Variants in ST3GAL3 observed in about 807,000 individuals in gnomAD.
ST3GAL3 encodes CMP-N-acetylneuraminate-beta-1,4-galactoside alpha-2,3-sialyltransferase.
ST3GAL3 carries 21 observed loss-of-function variants against 50.1 expected under a neutral mutation model. That is an observed-to-expected ratio of 0.42 (90% confidence interval 0.30 to 0.60). The LOEUF is 0.60. ST3GAL3 is among the 20% of genes least tolerant of loss of function. The pLI, the probability that ST3GAL3 is intolerant of heterozygous loss-of-function variation, is 0.19. For synonymous variants in ST3GAL3, 183 were observed against 190.0 expected, an observed-to-expected ratio of 0.96 and a Z score of 0.30; for missense variants, 353 against 489.4, an observed-to-expected ratio of 0.72 and a Z score of 2.63.
intron 1 of ST3GAL3, among the ~76,000 whole-genome samples, chr1:43,719,740 C>G (rs1323217259): frequency 2.0e-5 from 3 of 151,078 alleles, no homozygotes; most frequent in Non-Finnish European, 4.4e-5. Flanking sequence ...GGAGACCAGC[C>G]TGGCCAACAT....
chr1:43,841,750 T>G (rs1217736613), intron 5 of ST3GAL3: 1 of 152,252 alleles, frequency 6.6e-6, no homozygotes, highest in Non-Finnish European at 1.5e-5. Flanking sequence ...TGCAAATGTC[T>G]CTAGCAAGTG....
In ST3GAL3 at chr1:43,814,950, G is replaced by A. The variant is rs553659855; in HGVS notation, c.209+17G>A. ...CTCTAAACTGTGAGTAGAATGAGAA[G>A]ATACCTTGGCTCTGTGGCAGAGAGG... On this transcript the variant is annotated intron_variant, in intron 4 of 11. Transcript: ENST00000347631. The A allele has an allele frequency of 3.1e-6, 5 of 1,613,688 alleles. No homozygotes were observed. The highest frequency in any genetic ancestry group is 2.2e-5 in the East Asian group (1 of 44,868).
intron 5 of ST3GAL3, chr1:43,851,290 G>A: frequency 6.4e-7 from 1 of 1,571,432 alleles, no homozygotes; most frequent in Non-Finnish European, 8.8e-7. Context: ...TGAACCCGTG[G>A]GTCAGGTGAC....
Position 43,899,047 on chromosome 1 carries a change from G to C in ST3GAL3, c.462-121G>C. Reference sequence around the variant, plus strand: ...CAGAAATGCTGCCAGAAGCCCATTGGTCTTCTTCCTCTATCCCAGCCTGGT... The same window carrying C: ...CAGAAATGCTGCCAGAAGCCCATTGCTCTTCTTCCTCTATCCCAGCCTGGT... On this transcript the variant is annotated intron_variant, in intron 7 of 11. Coordinates refer to ENST00000347631, the MANE Select transcript of ST3GAL3 (RefSeq NM_006279.5). This position sits in a 1 kb window ranked among gnomAD's most constrained non-coding sequence, Gnocchi z 5.4. 1 of 1,409,046 alleles carries C rather than the reference G, an allele frequency of 7.1e-7. No homozygotes were observed. The highest frequency in any genetic ancestry group is 1.4e-5 in the African/African-American group (1 of 70,638). 87.3% of individuals were successfully genotyped at this position (1,409,046 alleles called of 1,614,324 possible).
intron 9 of ST3GAL3, among the ~76,000 whole-genome samples, chr1:43,900,492 A>G (rs531015736): frequency 2.0e-4 from 30 of 151,916 alleles, no homozygotes; most frequent in African/African-American, 7.2e-4. Context: ...CTGGGCCTAC[A>G]GGGACATCCG....
At chr1:43,847,795 A>C (rs2066499809) in intron 5 of ST3GAL3, among the ~76,000 whole-genome samples, 1 of 152,264 alleles carries the variant, frequency 6.6e-6, no homozygotes, top group Non-Finnish European at 1.5e-5. Context: ...AGTGTATTTT[A>C]CTACAATTCA....
chr1:43,831,209 G>T (rs72886892), intron 4 of ST3GAL3, among the ~76,000 whole-genome samples: 10,136 of 152,240 alleles, frequency 0.067, 364 homozygotes, highest in East Asian at 0.14. Flanking sequence ...GGGGCTTTGG[G>T]AAGAACAGGA....
chr1:43,731,127 G>A (rs1035189303), intron 1 of ST3GAL3, among the ~76,000 whole-genome samples: 1 of 151,490 alleles, frequency 6.6e-6, no homozygotes, highest in African/African-American at 2.4e-5. Flanking sequence ...CAACCTCCTG[G>A]GCTCAACAAA....
intron 4 of ST3GAL3, among the ~76,000 whole-genome samples, chr1:43,820,201 A>G (rs559266825): frequency 1.3e-5 from 2 of 152,304 alleles, no homozygotes; most frequent in Admixed American, 6.5e-5. Context: ...AAAATAAGCA[A>G]TAGGGAATGG....
chr1:43,770,753 T>G (rs1433961346), intron 2 of ST3GAL3, among the ~76,000 whole-genome samples: 3 of 152,180 alleles, frequency 2.0e-5, no homozygotes, highest in African/African-American at 7.2e-5. Flanking sequence ...CTTGCCTTGC[T>G]TCTTATTGCT....
At chr1:43,799,049 A>G (rs1308941774) in intron 3 of ST3GAL3, among the ~76,000 whole-genome samples, 1 of 152,206 alleles carries the variant, frequency 6.6e-6, no homozygotes, top group Admixed American at 6.5e-5. Context: ...TTGTTGAGTG[A>G]ACAAAACAAA....
chr1:43,728,784 A>T (rs1674211711), intron 1 of ST3GAL3, among the ~76,000 whole-genome samples: 3 of 152,186 alleles, frequency 2.0e-5, no homozygotes. Context: ...ATGTACACAC[A>T]CTATCCTCAC....
chr1:43,717,418 A>G (rs769819542), intron 1 of ST3GAL3, among the ~76,000 whole-genome samples: 40 of 152,292 alleles, frequency 2.6e-4, no homozygotes, highest in East Asian at 5.8e-4. Flanking sequence ...GAACTACTGC[A>G]TAGGCCTAAA....
chr1:43,777,412 A>T (rs962044942), intron 2 of ST3GAL3, among the ~76,000 whole-genome samples: 1 of 152,202 alleles, frequency 6.6e-6, no homozygotes, highest in African/African-American at 2.4e-5. Context: ...ACAGCTTGGT[A>T]CTGGTACAAA....
At chr1:43,790,797 AT>A (rs1052367842) in intron 2 of ST3GAL3, among the ~76,000 whole-genome samples, 31 of 146,376 alleles carry the variant, frequency 2.1e-4, no homozygotes, top group Admixed American at 3.4e-4. Flanking sequence ...CGCCCAGCTA[AT>A]TTTTTTTTTT....
At chr1:43,927,945 C>T (rs1259221388) in intron 11 of ST3GAL3, among the ~76,000 whole-genome samples, 2 of 152,112 alleles carry the variant, frequency 1.3e-5, no homozygotes, top group Non-Finnish European at 1.5e-5. Flanking sequence ...GGGCACTCTC[C>T]TTCAGGGCAG....
chr1:43,798,496 T>C (rs938514877), intron 3 of ST3GAL3, among the ~76,000 whole-genome samples: 3 of 152,232 alleles, frequency 2.0e-5, no homozygotes, highest in African/African-American at 7.2e-5. Context: ...CTGTGGCTCC[T>C]TGAGGATGTC....
intron 2 of ST3GAL3, among the ~76,000 whole-genome samples, chr1:43,770,992 C>T (rs373310620): frequency 1.1e-4 from 16 of 152,206 alleles, no homozygotes; most frequent in African/African-American, 3.9e-4. Flanking sequence ...TCCAAAGTAA[C>T]AAAGATAGCT....
intron 5 of ST3GAL3, chr1:43,850,862 C>T: frequency 8.0e-7 from 1 of 1,252,544 alleles, no homozygotes; most frequent in Non-Finnish European, 1.2e-6. Flanking sequence ...GGCCAGGGAA[C>T]ACAGCAGAGT....
Sources: allele counts gnomAD v4.1 joint callset (sites outside exome capture counted in the v4.1 genomes callset), GRCh38; gene constraint gnomAD v4.1.1; non-coding constraint Gnocchi (gnomAD v3.1); transcripts MANE v1.5; gene names NCBI Gene and HGNC (gene_info 2026-07-23, HGNC 2026-07-21).